RASA4B: variants seen among roughly 807,000 people sequenced by gnomAD.
The protein encoded by RASA4B is ras GTPase-activating protein 4B.
In RASA4B, 2 loss-of-function variants were observed where a neutral mutation model predicts 24.2. The ratio of observed to expected loss-of-function variants is 0.08; its 90% CI spans 0.03 to 0.26. RASA4B has a LOEUF of 0.26. RASA4B is among the 10% of genes least tolerant of loss of function. The pLI is 1.00. For missense variants in RASA4B, 8 were observed against 277.2 expected (o/e 0.03, Z 6.90); for synonymous variants, 2 against 125.6 (o/e 0.02, Z 6.58).
chr7:102,513,000 C>T (rs866943830), intron 1 of RASA4B, among the ~76,000 whole-genome samples: 1,555 of 149,196 alleles, frequency 0.01, no homozygotes, highest in Middle Eastern at 0.043. Context: ...GCCCTCCTAC[C>T]CCATCCCTGC....
chr7:102,480,169 T>C lies in RASA4B; in HGVS notation c.*3423A>G, dbSNP rs1336348438. On this transcript the variant is annotated 3_prime_UTR_variant, in exon 21 of 21. Transcript: ENST00000465829. ...CCTTGGTCTAGCGGTAACGCCAGCA[T>C]CTGGGAAGACACCTGTTGCCAAGCC... Among the ~76,000 whole-genome samples the C allele has an allele frequency of 6.6e-6, 1 of 152,066 alleles. No individual in the cohort carries two copies. The highest frequency in any genetic ancestry group is 6.6e-5 in the Admixed American group (1 of 15,230).
intron 15 of RASA4B, among the ~76,000 whole-genome samples, 183 bp downstream of exon 15, chr7:102,493,642 G>C (rs1322336948): frequency 2.2e-5 from 1 of 45,898 alleles, no homozygotes; most frequent in African/African-American, 3.5e-5. Flanking sequence ...GCAGTGGGCA[G>C]GGTCACAGGA....
At position 102,481,214 on chromosome 7, in the gene RASA4B, CTTTTTTT is replaced by C. The variant is rs538913748; in HGVS notation, c.*2371_*2377del. On this transcript the variant is annotated 3_prime_UTR_variant, in exon 21 of 21. Transcript: ENST00000465829. ...AAATTTCAAGTCTCCTTTATTTTCCCTTTTTTTTTTTTTTTTTTTTAATTTTAGGGAC... is the reference window on the plus strand; with the variant it reads ...AAATTTCAAGTCTCCTTTATTTTCCCTTTTTTTTTTTTTAATTTTAGGGAC... Among the ~76,000 whole-genome samples, 4 of 64,824 alleles carry C rather than the reference CTTTTTTT, an allele frequency of 6.2e-5. No individual in the cohort carries two copies. Among genetic ancestry groups the C allele is most frequent in the Admixed American group, 3.7e-4 (2 of 5,358 alleles). The allele number at this position is 64,824 out of a possible 152,430, so 42.5% of individuals were successfully genotyped here. A position where few individuals can be genotyped will look rare whatever the true frequency, so the allele number is the denominator to read the frequency against.
chr7:102,509,136 T>TGTAAAAA, intron 4 of RASA4B, among the ~76,000 whole-genome samples: 1 of 111,816 alleles, frequency 8.9e-6, no homozygotes, highest in Non-Finnish European at 1.9e-5. Flanking sequence ...ATATAAAAAT[T>TGTAAAAA]GTAAAAACAA....
chr7:102,505,970 GC>G (rs761814295), intron 5 of RASA4B, among the ~76,000 whole-genome samples: 122 of 110,240 alleles, frequency 1.1e-3, no homozygotes, highest in Non-Finnish European at 1.6e-3. Context: ...CTCTTTTCAC[GC>G]CCCCAGCCCC....
intron 1 of RASA4B, among the ~76,000 whole-genome samples, chr7:102,512,612 G>A (rs964934748): frequency 0.036 from 8 of 222 alleles, no homozygotes; most frequent in East Asian, 0.12. Flanking sequence ...AGAGAGGGAG[G>A]AGAGTAGGAG....
rs1798573352 is a variant in RASA4B, at chr7:102,480,060, T to C, written c.*3532A>G. On this transcript the variant is annotated 3_prime_UTR_variant, in exon 21 of 21. Coordinates refer to ENST00000465829, the MANE Select transcript of RASA4B (RefSeq NM_001367767.2). ...TAGGAAACACCAGGCCATACAGAGA[T>C]AGGAGCTGAGGGGACAATGAGGAGT... 6.6e-6 allele frequency among the ~76,000 whole-genome samples: 1 copy of C among 152,022 alleles called. No individual in the cohort carries two copies. Among genetic ancestry groups the C allele is most frequent in the Admixed American group, 6.6e-5 (1 of 15,208 alleles).
In RASA4B at chr7:102,481,755, G is replaced by A. The variant is rs1798612641; in HGVS notation, c.*1837C>T. Among the ~76,000 whole-genome samples the A allele has an allele frequency of 1.3e-5, 2 of 151,270 alleles. No individual in the cohort carries two copies. The highest frequency in any genetic ancestry group is 4.8e-5 in the African/African-American group (2 of 41,354). On this transcript the variant is annotated 3_prime_UTR_variant, in exon 21 of 21. Transcript: ENST00000465829. ...AACCTATTTGAGCTCTGAGGTAGAT[G>A]TCTAAGTTCAAAGCCCACTCCTCCC...
intron 17 of RASA4B, among the ~76,000 whole-genome samples, chr7:102,489,470 C>T (rs1298362155): frequency 5.2e-4 from 68 of 130,286 alleles, no homozygotes; most frequent in African/African-American, 1.8e-3. Flanking sequence ...CCTCCCTGAC[C>T]ACTCTTTAAT....
intron 17 of RASA4B, among the ~76,000 whole-genome samples, chr7:102,490,672 G>A (rs1415685818): frequency 2.6e-5 from 4 of 152,058 alleles, no homozygotes; most frequent in East Asian, 3.9e-4. Flanking sequence ...GTAGCGGGGC[G>A]AGAGGCTCAA....
At chr7:102,498,388 A>T (rs1364488877) in intron 8 of RASA4B, among the ~76,000 whole-genome samples, 1 of 134,942 alleles carries the variant, frequency 7.4e-6, no homozygotes, top group Admixed American at 7.7e-5. Flanking sequence ...CAGCCTCCCA[A>T]GTAGCTGAGA....
chr7:102,491,604 C>T (rs1356387131), intron 16 of RASA4B, among the ~76,000 whole-genome samples: 52 of 66,350 alleles, frequency 7.8e-4, no homozygotes, highest in African/African-American at 1.3e-3. Context: ...TCCGTGTCTA[C>T]TAAAAATACA....
At chr7:102,492,666 C>G (rs1482827768) in intron 16 of RASA4B, among the ~76,000 whole-genome samples, 1 of 143,052 alleles carries the variant, frequency 7.0e-6, no homozygotes, top group Admixed American at 7.1e-5. Context: ...CCTCCATATT[C>G]ATTTTTTTTT....
intron 15 of RASA4B, among the ~76,000 whole-genome samples, chr7:102,493,584 G>T (rs1799032668): frequency 2.3e-5 from 1 of 44,334 alleles, no homozygotes; most frequent in African/African-American, 3.6e-5. Flanking sequence ...CGCAGATGAT[G>T]GGGGGGTGAG....
chr7:102,491,602 T>C (rs1798947775), intron 16 of RASA4B, among the ~76,000 whole-genome samples: 1 of 66,154 alleles, frequency 1.5e-5, no homozygotes, highest in African/African-American at 2.8e-5. Context: ...ACTCCGTGTC[T>C]ACTAAAAATA....
At chr7:102,492,775 G>C (rs1392932631) in intron 16 of RASA4B, among the ~76,000 whole-genome samples, 39 of 90,952 alleles carry the variant, frequency 4.3e-4, no homozygotes, top group Non-Finnish European at 7.5e-4. Context: ...AGCGATTCCC[G>C]TGCCTCAGCC....
At position 102,487,166 on chromosome 7, in the gene RASA4B, C is replaced by T. The variant is rs1308258316; in HGVS notation, c.2104+1297G>A. ...ATGAGCCAGGTGTGGTGATGCATGC[C>T]GGTAGTGCCAGCCTACTCAGAGGCT... On this transcript the variant is annotated intron_variant, in intron 18 of 20. Transcript: ENST00000465829. Among the ~76,000 whole-genome samples, 264 of 80,612 alleles carry T rather than the reference C, an allele frequency of 3.3e-3. 11 individuals are homozygous for T. Among genetic ancestry groups the T allele is most frequent in the African/African-American group, 8.3e-3 (254 of 30,726 alleles). The allele number at this position is 80,612 out of a possible 152,430, so 52.9% of individuals were successfully genotyped here. A position where few individuals can be genotyped will look rare whatever the true frequency, so the allele number is the denominator to read the frequency against.
In RASA4B at chr7:102,480,226, G is replaced by A. The variant is rs1226500448; in HGVS notation, c.*3366C>T. On this transcript the variant is annotated 3_prime_UTR_variant, in exon 21 of 21. Transcript: ENST00000465829. ...GGTCTAGCTGTAGCGTTAGTGTCAA[G>A]GAAAAACACCCGCTACTTAGCAGAC... Among the ~76,000 whole-genome samples, 1 of 152,124 alleles carries A rather than the reference G, an allele frequency of 6.6e-6. No homozygotes were observed. The highest frequency in any genetic ancestry group is 1.5e-5 in the Non-Finnish European group (1 of 68,034).
At chr7:102,500,471 A>AAAAT (rs137887181) in intron 8 of RASA4B, among the ~76,000 whole-genome samples, 2,062 of 140,730 alleles carry the variant, frequency 0.015, 24 homozygotes, top group African/African-American at 0.023. Context: ...ACTCCATCTC[A>AAAAT]AAATAAATAA....
Sources: gnomAD v4.1 joint callset for allele counts (sites outside exome capture counted in the v4.1 genomes callset) on GRCh38, gnomAD v4.1.1 for gene constraint, MANE v1.5 for transcripts, NCBI Gene and HGNC (gene_info 2026-07-23, HGNC 2026-07-21) for gene names.